PRELID2: variants seen among roughly 807,000 people sequenced by gnomAD.
PRELID2 encodes PRELI domain containing 2.
Under a neutral mutation model 28.4 loss-of-function variants are expected in PRELID2, and 25 were observed. That is an observed-to-expected ratio of 0.88 (90% CI 0.64 to 1.23). The LOEUF is 1.23. PRELID2 is among the 50% of genes most tolerant of loss of function. PRELID2 has a pLI of 0.00. For synonymous variants in PRELID2, 76 were observed against 71.6 expected, an observed-to-expected ratio of 1.06 and a Z score of -0.31; for missense variants, 201 against 214.4, an observed-to-expected ratio of 0.94 and a Z score of 0.39.
chr5:145,447,229 T>C, the PRELID2 span, among the ~76,000 whole-genome samples: 2 of 151,796 alleles, frequency 1.3e-5, no homozygotes, highest in African/African-American at 4.8e-5. Flanking sequence ...CCGCATGAGG[T>C]TGAAAGATGT....
chr5:145,788,233 A>C (rs1175968924), intron 5 of PRELID2, among the ~76,000 whole-genome samples: 1 of 152,174 alleles, frequency 6.6e-6, no homozygotes, highest in Non-Finnish European at 1.5e-5. Flanking sequence ...TCAGATCTTT[A>C]TCTTTTTGAT....
chr5:145,575,992 A>G (rs1450480021), intron 1 of PRELID2, among the ~76,000 whole-genome samples: 1 of 152,092 alleles, frequency 6.6e-6, no homozygotes, highest in Non-Finnish European at 1.5e-5. Context: ...ATTCCTGCCC[A>G]TCTTGAAAAT....
At chr5:145,694,734 T>C (rs1488605743) in intron 1 of PRELID2, among the ~76,000 whole-genome samples, 4 of 150,710 alleles carry the variant, frequency 2.7e-5, no homozygotes, top group Non-Finnish European at 4.4e-5. Flanking sequence ...ACTGTGTGAA[T>C]AGAATGCACA....
At chr5:145,373,031 TATA>T in the PRELID2 span, among the ~76,000 whole-genome samples, 3 of 118,312 alleles carry the variant, frequency 2.5e-5, no homozygotes, top group African/African-American at 3.4e-5. Flanking sequence ...TTACAACATA[TATA>T]ATATGATATA....
chr5:145,754,395 TATACCCAAGAG>T (rs1474795625), downstream of PRELID2: 1 of 152,242 alleles, frequency 6.6e-6, no homozygotes, highest in East Asian at 1.9e-4. Context: ...CATTGTTTGA[TATACCCAAGAG>T]ATAACTGTGT....
At chr5:145,586,692 C>A (rs1351643523) in intron 1 of PRELID2, among the ~76,000 whole-genome samples, 1 of 152,076 alleles carries the variant, frequency 6.6e-6, no homozygotes, top group Non-Finnish European at 1.5e-5. Context: ...ATATATCCGA[C>A]ATCTCTGAGC....
intron 1 of PRELID2, among the ~76,000 whole-genome samples, chr5:145,742,362 A>C (rs558642660): frequency 6.9e-6 from 1 of 145,720 alleles, no homozygotes. Flanking sequence ...ACGCCAGAAA[A>C]CAAAGCTCAA....
chr5:145,544,480 G>T (rs1193451519), intron 1 of PRELID2, among the ~76,000 whole-genome samples: 1 of 152,062 alleles, frequency 6.6e-6, no homozygotes, highest in Non-Finnish European at 1.5e-5. Flanking sequence ...TTAATAAATT[G>T]ACATTCTATT....
chr5:145,266,336 A>G, the PRELID2 span, among the ~76,000 whole-genome samples: 2 of 151,388 alleles, frequency 1.3e-5, no homozygotes, highest in Admixed American at 6.6e-5. Context: ...GAAAAGATTA[A>G]AAATAAAGAG....
At chr5:145,700,217 C>G (rs543604362) in intron 1 of PRELID2, among the ~76,000 whole-genome samples, 146 of 152,144 alleles carry the variant, frequency 9.6e-4, no homozygotes, top group African/African-American at 3.4e-3. Flanking sequence ...TCCATCGCCC[C>G]TAGACATCAA....
intron 1 of PRELID2, among the ~76,000 whole-genome samples, chr5:145,833,345 C>G (rs1755727744): frequency 6.6e-6 from 1 of 152,158 alleles, no homozygotes; most frequent in Non-Finnish European, 1.5e-5. Context: ...GATCAACTGA[C>G]TCTTGATGAT....
chr5:145,759,958 T>C lies in PRELID2; in HGVS notation c.*578A>G, dbSNP rs889550414. The C allele has an allele frequency of 2.6e-5, 4 of 152,178 alleles. No homozygotes were observed. Among genetic ancestry groups the C allele is most frequent in the East Asian group, 1.9e-4 (1 of 5,194 alleles). 9.4% of individuals were successfully genotyped at this position (152,178 alleles called of 1,614,324 possible). A position where few individuals can be genotyped will look rare whatever the true frequency, so the allele number is the denominator to read the frequency against. On this transcript the variant is annotated 3_prime_UTR_variant, in exon 7 of 7. Transcript: ENST00000683046. The stretch of plus-strand genomic sequence containing the variant: ...ACTTATGGCAGTTACATATTACTTA[T>C]GGATAGGATAAAAATCTCCTGATTT...
At chr5:145,479,010 G>T (rs2126614783) in intron 1 of PRELID2, among the ~76,000 whole-genome samples, 1 of 152,306 alleles carries the variant, frequency 6.6e-6, no homozygotes, top group South Asian at 2.1e-4. Context: ...GAATCAAGAA[G>T]ATTGAGACTT....
intron 1 of PRELID2, among the ~76,000 whole-genome samples, chr5:145,507,223 G>A (rs548655789): frequency 3.3e-5 from 5 of 152,158 alleles, no homozygotes; most frequent in East Asian, 1.9e-4. Flanking sequence ...GTCTGAATGC[G>A]GGGTGGGAGG....
chr5:145,488,244 G>A (rs150944473), intron 1 of PRELID2, among the ~76,000 whole-genome samples: 2 of 152,092 alleles, frequency 1.3e-5, no homozygotes, highest in Non-Finnish European at 2.9e-5. Flanking sequence ...TAGTGAGCTA[G>A]TGACTATTTC....
chr5:145,632,511 A>G (rs1282276156), intron 1 of PRELID2, among the ~76,000 whole-genome samples: 3 of 152,190 alleles, frequency 2.0e-5, no homozygotes, highest in Admixed American at 1.3e-4. Context: ...AATAATTCAT[A>G]AACCACAAAT....
At chr5:145,583,380 C>A (rs1358697508) in intron 1 of PRELID2, among the ~76,000 whole-genome samples, 1 of 152,110 alleles carries the variant, frequency 6.6e-6, no homozygotes, top group African/African-American at 2.4e-5. Context: ...AAAACCAGCA[C>A]AAGACAAGGA....
At chr5:145,491,260 C>G (rs1476545176) in intron 1 of PRELID2, among the ~76,000 whole-genome samples, 1 of 152,084 alleles carries the variant, frequency 6.6e-6, no homozygotes, top group Non-Finnish European at 1.5e-5. Context: ...TAAGGCTATG[C>G]TTTCTCATAG....
chr5:145,272,124 G>C, the PRELID2 span, among the ~76,000 whole-genome samples: 1 of 151,784 alleles, frequency 6.6e-6, no homozygotes, highest in Non-Finnish European at 1.5e-5. Context: ...ATCTACCTTA[G>C]AACTGTACTA....
Sources: gnomAD v4.1 joint callset for allele counts (sites outside exome capture counted in the v4.1 genomes callset) on GRCh38, gnomAD v4.1.1 for gene constraint, MANE v1.5 for transcripts, NCBI Gene and HGNC (gene_info 2026-07-23, HGNC 2026-07-21) for gene names.